The following ZMYM5 variants were observed in gnomAD, a reference collection of about 807,000 sequenced individuals.
ZMYM5 encodes the protein zinc finger MYM-type protein 5.
ZMYM5 carries 41 observed loss-of-function variants against 61.8 expected under a neutral mutation model. The ratio of observed to expected loss-of-function variants is 0.66; its 90% CI spans 0.52 to 0.86. The LOEUF (loss-of-function observed/expected upper bound fraction) is 0.86. Ranked by LOEUF, ZMYM5 falls within the 40% of genes least tolerant of loss-of-function variation. The probability of loss-of-function intolerance (pLI) is 0.00; values close to 1 mark genes in which losing one functional copy is unlikely to be tolerated. For synonymous variants in ZMYM5, 257 were observed against 276.4 expected (o/e 0.93, Z 0.70); for missense variants, 706 against 786.7 (o/e 0.90, Z 1.23).
chr13:19,847,875 G>A (rs886553462), intron 4 of ZMYM5, among the ~76,000 whole-genome samples: 6 of 136,506 alleles, frequency 4.4e-5, no homozygotes, highest in Non-Finnish European at 9.1e-5. Context: ...GAATGGTCTC[G>A]ATCTCCTGAC....
chr13:19,848,189 T>G (rs1169380545), intron 4 of ZMYM5, among the ~76,000 whole-genome samples: 1 of 152,076 alleles, frequency 6.6e-6, no homozygotes, highest in Non-Finnish European at 1.5e-5. Flanking sequence ...TTCACCATGT[T>G]GGCCAGGCTG....
rs756020092 is a variant in ZMYM5 at position 19,824,942 on chromosome 13, T to C, written c.1545A>G (p.Pro515=). 1 of 1,364,508 alleles carries C rather than the reference T, an allele frequency of 7.3e-7. No homozygotes were observed. Among genetic ancestry groups the C allele is most frequent in the Non-Finnish European group, 9.8e-7 (1 of 1,020,234 alleles). 84.5% of individuals were successfully genotyped at this position (1,364,508 alleles called of 1,614,324 possible). ...TACCTGGATCTGCGGAAAGCACAAC[T>C]GGTACAATGGAGTCTTCAAAATTTT... ...EEKNFEDSIV[P]VVLSADPGTW... The change falls in exon 8 of 8, where the codon CCA becomes CCG. Residue 515 remains proline (P), a synonymous_variant. Transcript: ENST00000337963.
At chr13:19,858,204 A>G in intron 2 of ZMYM5, among the ~76,000 whole-genome samples, 1 of 142,426 alleles carries the variant, frequency 7.0e-6, no homozygotes. Flanking sequence ...TCTAAAAATT[A>G]AAAAAAAAAA....
chr13:19,831,715 G>T (rs191009194), intron 7 of ZMYM5, among the ~76,000 whole-genome samples: 1 of 128,296 alleles, frequency 7.8e-6, no homozygotes, highest in Non-Finnish European at 1.6e-5. Context: ...CAGGAGAATC[G>T]CTTGAAGCGG....
intron 5 of ZMYM5, 93 bp downstream of exon 5, chr13:19,838,607 C>T: frequency 4.1e-6 from 6 of 1,456,302 alleles, no homozygotes; most frequent in Non-Finnish European, 5.6e-6. Flanking sequence ...ACAATTCTAC[C>T]CATAAATCTA....
rs142601808 is a variant in ZMYM5, at chr13:19,855,133, T to C, written c.-10-2943A>G. Among the ~76,000 whole-genome samples, 520 of 152,132 alleles carry C rather than the reference T, an allele frequency of 3.4e-3. 2 individuals are homozygous for C. The highest frequency in any genetic ancestry group is 0.026 in the South Asian group (127 of 4,814). ...CACTTTTGGGGGCCAAGTGGGAGAA[T>C]TGCTTGAGCCCAGGAGTTTGAGACC... On this transcript the variant is annotated intron_variant, in intron 2 of 7. Coordinates refer to ENST00000337963, the MANE Select transcript of ZMYM5 (RefSeq NM_001142684.2).
chr13:19,833,757 TATAAAA>T, intron 7 of ZMYM5, among the ~76,000 whole-genome samples: 1 of 152,162 alleles, frequency 6.6e-6, no homozygotes, highest in Non-Finnish European at 1.5e-5. Flanking sequence ...AAATAGGACT[TATAAAA>T]ATTAAAATCT....
intron 2 of ZMYM5, among the ~76,000 whole-genome samples, chr13:19,860,985 T>C (rs1002846909): frequency 1.4e-5 from 2 of 143,460 alleles, no homozygotes; most frequent in Non-Finnish European, 3.1e-5. Flanking sequence ...TGGACCAGGC[T>C]TTTTTTTTTT....
chr13:19,849,188 G>C (rs1178772691), intron 4 of ZMYM5, among the ~76,000 whole-genome samples: 1 of 152,106 alleles, frequency 6.6e-6, no homozygotes, highest in Non-Finnish European at 1.5e-5. Flanking sequence ...GCAGCGGTAG[G>C]ATTAAAGCGC....
chr13:19,833,582 T>C (rs112971751), intron 7 of ZMYM5, among the ~76,000 whole-genome samples: 2 of 152,258 alleles, frequency 1.3e-5, no homozygotes, highest in African/African-American at 4.8e-5. Flanking sequence ...AACCCACATC[T>C]AACACCATAT....
chr13:19,844,724 C>T (rs1404649485), intron 4 of ZMYM5, among the ~76,000 whole-genome samples: 1 of 152,144 alleles, frequency 6.6e-6, no homozygotes, highest in Non-Finnish European at 1.5e-5. Flanking sequence ...AGGGTTCAAG[C>T]AACCCTCCTG....
At chr13:19,850,412 C>T (rs969869688) in intron 4 of ZMYM5, among the ~76,000 whole-genome samples, 2 of 152,044 alleles carry the variant, frequency 1.3e-5, no homozygotes, top group Non-Finnish European at 2.9e-5. Flanking sequence ...CCAGCCTGGC[C>T]AACATGGAGA....
chr13:19,855,759 C>T (rs947317191), intron 2 of ZMYM5, among the ~76,000 whole-genome samples: 2 of 151,520 alleles, frequency 1.3e-5, no homozygotes, highest in African/African-American at 4.8e-5. Context: ...TGCCTGTAAT[C>T]CCAGCACTTT....
At chr13:19,838,612 A>C in intron 5 of ZMYM5, 88 bp downstream of exon 5, 4 of 1,487,238 alleles carry the variant, frequency 2.7e-6, no homozygotes, top group Non-Finnish European at 3.7e-6. Context: ...TCTACCCATA[A>C]ATCTATCCAG....
At chr13:19,851,624 T>C in intron 3 of ZMYM5, 65 bp downstream of exon 3, 2 of 1,547,264 alleles carry the variant, frequency 1.3e-6, no homozygotes, top group Non-Finnish European at 1.7e-6. Flanking sequence ...GGTTGTAACA[T>C]TAGTAATAAT....
At chr13:19,860,935 C>CGTGTGTGTGTGT (rs10690639) in intron 2 of ZMYM5, among the ~76,000 whole-genome samples, 23 of 136,858 alleles carry the variant, frequency 1.7e-4, no homozygotes, top group African/African-American at 6.2e-4. Context: ...TATATGCGCA[C>CGTGTGTGTGTGT]GTGTGTGTGT....
intron 2 of ZMYM5, among the ~76,000 whole-genome samples, chr13:19,860,935 C>CATGTGT (rs1953730651): frequency 1.5e-5 from 2 of 136,858 alleles, no homozygotes; most frequent in South Asian, 4.8e-4. Context: ...TATATGCGCA[C>CATGTGT]GTGTGTGTGT....
chr13:19,831,901 G>A (rs753998026), intron 7 of ZMYM5, among the ~76,000 whole-genome samples: 4 of 151,390 alleles, frequency 2.6e-5, no homozygotes, highest in Non-Finnish European at 5.9e-5. Flanking sequence ...TGTCACCCAG[G>A]CTGGAGTACA....
At chr13:19,840,810 T>G (rs1952843821) in intron 4 of ZMYM5, among the ~76,000 whole-genome samples, 1 of 152,038 alleles carries the variant, frequency 6.6e-6, no homozygotes, top group Admixed American at 6.6e-5. Flanking sequence ...CCTGAGTAGC[T>G]GGGACTACAA....
Sources: gnomAD v4.1 joint callset for allele counts (sites outside exome capture counted in the v4.1 genomes callset) on GRCh38, gnomAD v4.1.1 for gene constraint, MANE v1.5 for transcripts, NCBI Gene and HGNC (gene_info 2026-07-23, HGNC 2026-07-21) for gene names.